COIL: variants seen among roughly 807,000 people sequenced by gnomAD.
COIL encodes the protein coilin.
In COIL, 28 loss-of-function variants were observed where a neutral mutation model predicts 51.6. The ratio of observed to expected loss-of-function variants is 0.54; its 90% confidence interval spans 0.40 to 0.74. The LOEUF (loss-of-function observed/expected upper bound fraction) is 0.74. Ranked by LOEUF, COIL falls within the 30% of genes least tolerant of loss-of-function variation. COIL has a pLI of 0.00. For missense variants in COIL, 667 were observed against 685.9 expected, an observed-to-expected ratio of 0.97 and a Z score of 0.31; for synonymous variants, 233 against 255.8, an observed-to-expected ratio of 0.91 and a Z score of 0.85.
At position 56,949,760 on chromosome 17, in the gene COIL, A is replaced by G. The variant is rs1910319913; in HGVS notation, c.1361T>C (p.Val454Ala). The G allele has an allele frequency of 6.2e-7, 1 of 1,614,116 alleles. No individual in the cohort carries two copies. Among genetic ancestry groups the G allele is most frequent in the Non-Finnish European group, 8.5e-7 (1 of 1,179,940 alleles). The change falls in exon 3 of 7, where the codon GTA (valine) becomes GCA (alanine). Residue 454 changes from valine (V) to alanine (A), a missense_variant. Physicochemically the swap from Val to Ala is moderately conservative, Grantham distance 64 (BLOSUM62 0). Coordinates refer to ENST00000240316, the MANE Select transcript of COIL (RefSeq NM_004645.3). ...KNSSTIIQNP[V>A]ETPKKDYSLL... ...ACTATAGTCCTTCTTGGGTGTCTCT[A>G]CTGGATTCTGAAAAACAGTGTTAGT...
intron 1 of COIL, chr17:56,952,135 A>G: frequency 2.2e-6 from 1 of 453,736 alleles, no homozygotes; most frequent in South Asian, 1.7e-5. Context: ...AACTATAATG[A>G]TGAAGCATGG....
intron 1 of COIL, among the ~76,000 whole-genome samples, chr17:56,959,033 A>G (rs958772132): frequency 2.6e-5 from 4 of 151,832 alleles, no homozygotes; most frequent in African/African-American, 9.7e-5. Context: ...AATTCACTGT[A>G]GCTGAAGCTT....
intron 3 of COIL, 110 bp downstream of exon 3, chr17:56,949,571 G>C: frequency 1.5e-6 from 2 of 1,353,580 alleles, no homozygotes; most frequent in South Asian, 2.4e-5. Flanking sequence ...AACAACACTG[G>C]GGTTCCAGTG....
chr17:56,946,563 A>G (rs1345312952), intron 4 of COIL, 52 bp from the exon 5 acceptor site: 1 of 1,213,132 alleles, frequency 8.2e-7, no homozygotes, highest in Admixed American at 1.8e-5. Context: ...CACTGTGAAT[A>G]TACTAAAAAC....
In COIL at chr17:56,950,325, T is replaced by A. The variant is rs371874352; in HGVS notation, c.917A>T (p.Lys306Met). 1.2e-6 allele frequency: 2 copies of A among 1,614,100 alleles called. No individual in the cohort carries two copies. The highest frequency in any genetic ancestry group is 2.7e-5 in the African/African-American group (2 of 74,946). Residue 306 changes from lysine (K) to methionine (M), a missense_variant, in exon 2 of 7, where the codon AAG becomes ATG. Physicochemically the swap from Lys to Met is moderately conservative, Grantham distance 95. Transcript: ENST00000240316. ...AGATGTTGTTCCAGAGGTCTTGCCC[T>A]TGCTGGGGGTAAGGCTAAAGCCAAG... is the stretch of plus-strand genomic sequence containing the variant. ...IKLGFSLTPS[K>M]GKTSGTTSSS... is the part of the protein sequence containing the mutation.
intron 4 of COIL, among the ~76,000 whole-genome samples, chr17:56,948,174 A>G (rs59022129): frequency 0.029 from 3,525 of 120,734 alleles, 154 homozygotes; most frequent in African/African-American, 0.11. Flanking sequence ...TCGCTCTGTT[A>G]CCCAGGCTGG....
At chr17:56,942,874 C>T (rs554185216) in intron 5 of COIL, among the ~76,000 whole-genome samples, 26 of 152,260 alleles carry the variant, frequency 1.7e-4, no homozygotes, top group Admixed American at 3.3e-4. Flanking sequence ...AAGCTGAAAC[C>T]ACGCAAAACA....
At chr17:56,948,093 C>T (rs944563845) in intron 4 of COIL, among the ~76,000 whole-genome samples, 4 of 151,254 alleles carry the variant, frequency 2.6e-5, no homozygotes, top group African/African-American at 7.3e-5. Flanking sequence ...CACCAGATCC[C>T]TTCATTAACT....
Position 56,950,601 on chromosome 17 carries a change from T to C in COIL, c.641A>G (p.Gln214Arg). ...AGAACCTTTTGGAGAACTACATCTC[T>C]GATTGGCCCAGTCTTTCACTGCCTG... ...KVQAVKDWAN[Q>R]RCSSPKGSAR... Residue 214 changes from glutamine to arginine, a missense_variant, in exon 2 of 7, where the codon CAG (glutamine) becomes CGG (arginine). Transcript: ENST00000240316. The C allele has an allele frequency of 5.0e-6, 8 of 1,614,216 alleles. No homozygotes were observed. The highest frequency in any genetic ancestry group is 5.9e-6 in the Non-Finnish European group (7 of 1,180,020).
At chr17:56,959,954 G>T (rs2144408412) in intron 1 of COIL, among the ~76,000 whole-genome samples, 1 of 152,354 alleles carries the variant, frequency 6.6e-6, no homozygotes, top group East Asian at 1.9e-4. Flanking sequence ...GGAGGCTCAC[G>T]CCTGTAATCC....
rs568051164 is a variant in COIL, at chr17:56,953,562, A to C, written c.246-2566T>G. On this transcript the variant is annotated intron_variant, in intron 1 of 6. Transcript: ENST00000240316. The stretch of plus-strand genomic sequence containing the variant: ...CGCCACTGCTGAAAACACACATTAT[A>C]CTTACAAGGCATTTACATTCAGCTA... 3.7e-4 allele frequency among the ~76,000 whole-genome samples: 56 copies of C among 152,244 alleles called. 1 individual carries two copies. Among genetic ancestry groups the C allele is most frequent in the African/African-American group, 1.3e-3 (56 of 41,538 alleles).
chr17:56,942,147 A>C, intron 5 of COIL, 24 bp from the exon 6 acceptor site: 1 of 1,556,786 alleles, frequency 6.4e-7, no homozygotes, highest in East Asian at 2.2e-5. Flanking sequence ...ATAGGGAGGA[A>C]AGAGAGTAAG....
At chr17:56,953,579 A>G (rs1910424950) in intron 1 of COIL, among the ~76,000 whole-genome samples, 1 of 152,128 alleles carries the variant, frequency 6.6e-6, no homozygotes, top group East Asian at 1.9e-4. Context: ...AGGCATTTAC[A>G]TTCAGCTATA....
In COIL at chr17:56,950,737, T is replaced by C. The variant is rs776422782; in HGVS notation, c.505A>G (p.Thr169Ala). Residue 169 changes from threonine (T) to alanine (A), a missense_variant, in exon 2 of 7, where the codon ACC (threonine) becomes GCC (alanine). Transcript: ENST00000240316. ...TTATCATCACCCACTGTGCCACAGG[T>C]TGCTTTATTTTTTCTCTTGTTTTTT... ...SKKNKRKNKA[T>A]CGTVGDDNEE... 2.5e-6 allele frequency: 4 copies of C among 1,613,950 alleles called. No individual in the cohort carries two copies. In the South Asian group the frequency reaches 4.4e-5, roughly 18 times the overall value.
At chr17:56,952,447 A>G (rs571240457) in intron 1 of COIL, 118 of 345,974 alleles carry the variant, frequency 3.4e-4, no homozygotes, top group South Asian at 5.7e-4. Flanking sequence ...CAGTGGAAAA[A>G]AAATTATGCT....
chr17:56,950,512 G>A lies in COIL; in HGVS notation c.730C>T (p.Pro244Ser), dbSNP rs376108861. 6.2e-6 allele frequency: 10 copies of A among 1,614,184 alleles called. No homozygotes were observed. The South Asian group carries it at 8.8e-5, about 14-fold the overall frequency. The change falls in exon 2 of 7, where the codon CCC (proline) becomes TCC (serine). Residue 244 changes from proline (P) to serine (S), a missense_variant. By Grantham distance (74) the Pro-to-Ser change is moderately conservative. Transcript: ENST00000240316. ...GATTCAGACTCCGAGGAGGAACTGG[G>A]ACTCTCTTTTGAGCAAACGCTTACA... ...GSVSVCSKES[P>S]SSSSESESCD...
At position 56,954,865 on chromosome 17, in the gene COIL, A is replaced by G. The variant is rs550265390; in HGVS notation, c.246-3869T>C. On this transcript the variant is annotated intron_variant, in intron 1 of 6. Transcript: ENST00000240316. ...CAAAATACCATCCAGAGAAAAAGAAATGGTTCTCCTGGGTCTGCTTAGTTA... is the reference window on the plus strand; with the variant it reads ...CAAAATACCATCCAGAGAAAAAGAAGTGGTTCTCCTGGGTCTGCTTAGTTA... Among the ~76,000 whole-genome samples the G allele has an allele frequency of 3.3e-5, 5 of 152,180 alleles. No homozygotes were observed. In the South Asian group the frequency reaches 1.0e-3, roughly 32 times the overall value.
At chr17:56,942,555 G>A (rs371747607) in intron 5 of COIL, among the ~76,000 whole-genome samples, 12 of 151,774 alleles carry the variant, frequency 7.9e-5, no homozygotes, top group Non-Finnish European at 1.2e-4. Flanking sequence ...CTGCTTTATC[G>A]CCCAGGCTGT....
At chr17:56,946,898 GGA>G (rs1032051593) in intron 4 of COIL, among the ~76,000 whole-genome samples, 2 of 152,200 alleles carry the variant, frequency 1.3e-5, no homozygotes, top group African/African-American at 4.8e-5. Context: ...GCATTCATCA[GGA>G]GAGACTAGAT....
Sources: gnomAD v4.1 joint callset for allele counts (sites outside exome capture counted in the v4.1 genomes callset) on GRCh38, gnomAD v4.1.1 for gene constraint, MANE v1.5 for transcripts, NCBI Gene and HGNC (gene_info 2026-07-23, HGNC 2026-07-21) for gene names.